ADGRA1: variants seen among roughly 807,000 people sequenced by gnomAD.
The protein encoded by ADGRA1 is adhesion G protein-coupled receptor A1.
In ADGRA1, 12 loss-of-function variants were observed where a neutral mutation model predicts 21.3. That is an observed-to-expected ratio of 0.56 (90% CI 0.36 to 0.91). ADGRA1 has a LOEUF of 0.91. Among genes scored for constraint, ADGRA1 ranks in the 40% least tolerant of loss-of-function variants. The probability of loss-of-function intolerance (pLI) is 0.01; values close to 1 mark genes in which losing one functional copy is unlikely to be tolerated. For missense variants in ADGRA1, 790 were observed against 805.6 expected (o/e 0.98, Z 0.23); for synonymous variants, 385 against 368.8 (o/e 1.04, Z -0.50).
intron 5 of ADGRA1, among the ~76,000 whole-genome samples, chr10:133,123,703 G>A (rs991694716): frequency 5.2e-4 from 60 of 116,058 alleles, no homozygotes; most frequent in Non-Finnish European, 8.7e-4. Context: ...TTGTGGGGAG[G>A]ACTGCCTCCC....
intron 5 of ADGRA1, among the ~76,000 whole-genome samples, chr10:133,113,770 G>C (rs34614798): frequency 6.6e-6 from 1 of 152,176 alleles, no homozygotes; most frequent in Non-Finnish European, 1.5e-5. Flanking sequence ...GGAGGGAGCC[G>C]AGGGAGCTTT....
Position 133,098,211 on chromosome 10 carries a change from C to T in ADGRA1, c.132-429C>T, listed in dbSNP as rs371706872. On this transcript the variant is annotated intron_variant, in intron 3 of 6. Coordinates refer to ENST00000392607, the MANE Select transcript of ADGRA1 (RefSeq NM_001083909.3). ...GGCCGGCTCAGCCCCAGGCTATAGC[C>T]GGGGTCACGCTGAGCCAGTCTAATC... Among the ~76,000 whole-genome samples, 312 of 152,268 alleles carry T rather than the reference C, an allele frequency of 2.0e-3. 1 individual carries two copies. The highest frequency in any genetic ancestry group is 7.3e-3 in the African/African-American group (302 of 41,554).
rs192435785 is a variant in ADGRA1, at chr10:133,093,021, C to T, written c.4-3953C>T. The stretch of plus-strand genomic sequence containing the variant: ...CAGGAAAGAAGGTTCCTCAGCCAGT[C>T]GGAGCTGCAGACCTGGCCCCGGACA... On this transcript the variant is annotated intron_variant, in intron 2 of 6. Coordinates refer to ENST00000392607, the MANE Select transcript of ADGRA1 (RefSeq NM_001083909.3). The T allele has an allele frequency of 1.6e-5, 26 of 1,588,922 alleles. No homozygotes were observed. In the Middle Eastern group the frequency reaches 6.6e-4, roughly 40 times the overall value.
chr10:133,099,490 G>T (rs947288558), intron 4 of ADGRA1, among the ~76,000 whole-genome samples: 4 of 152,164 alleles, frequency 2.6e-5, no homozygotes, highest in Non-Finnish European at 5.9e-5. Flanking sequence ...GGAGAGCACC[G>T]AGCATTGAAA....
intron 2 of ADGRA1, chr10:133,095,605 G>T (rs1160156186): frequency 1.3e-6 from 2 of 1,554,902 alleles, no homozygotes; most frequent in Admixed American, 1.8e-5. Context: ...TGGGGCAGGG[G>T]CCCTATTTCG....
chr10:133,126,420 G>C (rs1414348497), intron 5 of ADGRA1, among the ~76,000 whole-genome samples: 1 of 152,206 alleles, frequency 6.6e-6, no homozygotes, highest in African/African-American at 2.4e-5. Flanking sequence ...GTGTGGGGCA[G>C]GGGTCTGTGG....
chr10:133,111,866 TCCCTCCA>T, intron 5 of ADGRA1, among the ~76,000 whole-genome samples: 1 of 147,662 alleles, frequency 6.8e-6, no homozygotes, highest in African/African-American at 2.5e-5. Context: ...TCCCTCCTAA[TCCCTCCA>T]GACCACCTGC....
chr10:133,093,189 A>T (rs746041556), intron 2 of ADGRA1: 2 of 1,594,820 alleles, frequency 1.3e-6, no homozygotes, highest in Non-Finnish European at 1.7e-6. Flanking sequence ...AGGGAGGAAG[A>T]TTCCTTCAGG....
At chr10:133,092,639 T>C (rs1451915559) in intron 2 of ADGRA1, among the ~76,000 whole-genome samples, 2 of 151,888 alleles carry the variant, frequency 1.3e-5, no homozygotes, top group African/African-American at 4.8e-5. Context: ...AGGAAATCAG[T>C]GTTCATTGGC....
chr10:133,101,646 T>A (rs922676828), intron 4 of ADGRA1, among the ~76,000 whole-genome samples: 9 of 152,226 alleles, frequency 5.9e-5, no homozygotes, highest in African/African-American at 2.2e-4. Context: ...GAGGCCGGGC[T>A]GTGGGGGCTG....
At chr10:133,123,675 C>T (rs1047311476) in intron 5 of ADGRA1, among the ~76,000 whole-genome samples, 11 of 151,738 alleles carry the variant, frequency 7.2e-5, no homozygotes, top group Middle Eastern at 3.2e-3. Flanking sequence ...AAATGGGCCC[C>T]GCTGGGCCGA....
intron 5 of ADGRA1, among the ~76,000 whole-genome samples, chr10:133,120,754 C>T (rs1190346422): frequency 1.3e-5 from 2 of 152,240 alleles, no homozygotes; most frequent in Non-Finnish European, 2.9e-5. Flanking sequence ...ACTTTCTTAT[C>T]ATTCATGCGT....
chr10:133,117,960 C>T (rs9419114), intron 5 of ADGRA1, among the ~76,000 whole-genome samples: 58,975 of 152,076 alleles, frequency 0.39, 11,883 homozygotes, highest in East Asian at 0.64. Flanking sequence ...GCTGGGGCTG[C>T]GGCCAGTTGA....
rs553957610 is a variant in ADGRA1, at chr10:133,129,557, G to C, written c.*46G>C. The C allele has an allele frequency of 2.7e-6, 4 of 1,490,592 alleles. No individual in the cohort carries two copies. The African/African-American group carries it at 5.5e-5, about 21-fold the overall frequency. 92.3% of individuals were successfully genotyped at this position (1,490,592 alleles called of 1,614,324 possible). ...GTTCCTGGAGGAGCTTCAGAGCAGA[G>C]TGGGGGGCCCATCTGCCACATGAGG... On this transcript the variant is annotated 3_prime_UTR_variant, in exon 7 of 7. Transcript: ENST00000392607.
At chr10:133,113,423 C>A (rs1852100439) in intron 5 of ADGRA1, among the ~76,000 whole-genome samples, 2 of 152,242 alleles carry the variant, frequency 1.3e-5, no homozygotes, top group Admixed American at 1.3e-4. Context: ...GACCCCACCC[C>A]ATGGATGAGT....
intron 4 of ADGRA1, chr10:133,102,176 C>T: frequency 2.2e-6 from 1 of 454,100 alleles, no homozygotes; most frequent in Non-Finnish European, 4.4e-6. Context: ...GTGGGGGGCT[C>T]ATCCCACCCA....
intron 2 of ADGRA1, chr10:133,093,387 A>G (rs1851636503): frequency 6.9e-6 from 8 of 1,160,684 alleles, no homozygotes; most frequent in Non-Finnish European, 9.5e-6. Flanking sequence ...GGAGACCTCC[A>G]ATTAAAATGA....
chr10:133,125,121 T>C (rs967550591), intron 5 of ADGRA1, among the ~76,000 whole-genome samples: 1 of 152,282 alleles, frequency 6.6e-6, no homozygotes, highest in Non-Finnish European at 1.5e-5. Flanking sequence ...TGGCACTGCA[T>C]GGCCTTTTCC....
intron 5 of ADGRA1, 97 bp from the exon 6 acceptor site, chr10:133,127,136 T>G: frequency 1.4e-6 from 1 of 708,228 alleles, no homozygotes; most frequent in East Asian, 3.4e-5. Flanking sequence ...CCGCACCCGC[T>G]GCTCTCCCTT....
Sources: allele counts gnomAD v4.1 joint callset (sites outside exome capture counted in the v4.1 genomes callset), GRCh38; gene constraint gnomAD v4.1.1; transcripts MANE v1.5; gene names NCBI Gene and HGNC (gene_info 2026-07-23, HGNC 2026-07-21).